PTTG1IP: variants seen among roughly 807,000 people sequenced by gnomAD.
PTTG1IP encodes pituitary tumor-transforming gene 1 protein-interacting protein.
PTTG1IP carries 16 observed loss-of-function variants against 24.4 expected under a neutral mutation model. That is an observed-to-expected ratio of 0.66 (90% CI 0.44 to 1.00). The LOEUF (loss-of-function observed/expected upper bound fraction) is 1.00. PTTG1IP is among the 50% of genes least tolerant of loss of function. The pLI is 0.00. For synonymous variants in PTTG1IP, 89 were observed against 96.8 expected (o/e 0.92, Z 0.47); for missense variants, 241 against 245.8 (o/e 0.98, Z 0.13).
chr21:44,859,961 C>CA (rs2083477880), intron 3 of PTTG1IP, among the ~76,000 whole-genome samples: 1 of 152,174 alleles, frequency 6.6e-6, no homozygotes, highest in Admixed American at 6.5e-5. Flanking sequence ...TGCTTCTTTA[C>CA]AAAGTTTAGG....
At chr21:44,864,446 G>C (rs1275997404) in intron 2 of PTTG1IP, among the ~76,000 whole-genome samples, 1 of 152,216 alleles carries the variant, frequency 6.6e-6, no homozygotes, top group South Asian at 2.1e-4. Context: ...GCCCAGGCTA[G>C]AGTGCAGTGG....
Position 44,868,529 on chromosome 21 carries a change from G to A in PTTG1IP, c.116-3082C>T, listed in dbSNP as rs575464458. 2.0e-3 allele frequency among the ~76,000 whole-genome samples: 299 copies of A among 152,282 alleles called. 2 individuals carry two copies. The highest frequency in any genetic ancestry group is 6.8e-3 in the African/African-American group (281 of 41,530). ...GAGCCACAGACAGTGTGCAGTGCCC[G>A]AGAGTGGCACAGACATGAACGAATG... On this transcript the variant is annotated intron_variant, in intron 1 of 5. Coordinates refer to ENST00000330938, the MANE Select transcript of PTTG1IP (RefSeq NM_004339.4).
intron 3 of PTTG1IP, among the ~76,000 whole-genome samples, chr21:44,858,153 T>A (rs1346785133): frequency 6.6e-6 from 1 of 152,244 alleles, no homozygotes; most frequent in Non-Finnish European, 1.5e-5. Flanking sequence ...AAGAGAGGCA[T>A]CTTTGCCTCT....
chr21:44,866,805 T>C (rs1397344020), intron 1 of PTTG1IP, among the ~76,000 whole-genome samples: 1 of 152,052 alleles, frequency 6.6e-6, no homozygotes. Flanking sequence ...CCTACCAGAA[T>C]GGCTAAAATT....
Position 44,866,480 on chromosome 21 carries a change from ACACACACACACG to A in PTTG1IP, c.116-1045_116-1034del, listed in dbSNP as rs1404494726. Among the ~76,000 whole-genome samples the A allele has an allele frequency of 1.6e-3, 188 of 120,584 alleles. 1 individual carries two copies. Among genetic ancestry groups the A allele is most frequent in the African/African-American group, 2.1e-3 (63 of 29,724 alleles). The allele number at this position is 120,584 out of a possible 152,430, so 79.1% of individuals were successfully genotyped here. ...ACTCCCCCAATCCCATAACACACAC[ACACACACACACG>A]CAGACTGCCTACTCCCCCAATCCCG... On this transcript the variant is annotated intron_variant, in intron 1 of 5. Coordinates refer to ENST00000330938, the MANE Select transcript of PTTG1IP (RefSeq NM_004339.4).
chr21:44,855,195 G>A lies in PTTG1IP; in HGVS notation c.496+15C>T, dbSNP rs760785426. On this transcript the variant is annotated intron_variant, in intron 5 of 5. Coordinates refer to ENST00000330938, the MANE Select transcript of PTTG1IP (RefSeq NM_004339.4). The stretch of plus-strand genomic sequence containing the variant: ...CCTCCCAACCAGACAAAAAGGAGGC[G>A]TGACCAGTCCTTACCATATTTTTTT... The A allele has an allele frequency of 1.1e-5, 18 of 1,604,304 alleles. No homozygotes were observed. Among genetic ancestry groups the A allele is most frequent in the Middle Eastern group, 3.3e-4 (2 of 6,068 alleles).
At chr21:44,866,555 A>C (rs1218709513) in intron 1 of PTTG1IP, among the ~76,000 whole-genome samples, 1 of 117,676 alleles carries the variant, frequency 8.5e-6, no homozygotes, top group African/African-American at 3.3e-5. Context: ...CCAATCCCGT[A>C]ACACACACAC....
At chr21:44,870,800 G>A (rs891537173) in intron 1 of PTTG1IP, among the ~76,000 whole-genome samples, 4 of 152,130 alleles carry the variant, frequency 2.6e-5, no homozygotes, top group South Asian at 2.1e-4. Flanking sequence ...ATTTGTTTCC[G>A]AAATTAAAGG....
intron 1 of PTTG1IP, among the ~76,000 whole-genome samples, chr21:44,866,570 T>G (rs1444550571): frequency 1.1e-5 from 1 of 90,922 alleles, no homozygotes; most frequent in Non-Finnish European, 2.1e-5. Flanking sequence ...ACACACAGAC[T>G]GCCTACTCCC....
intron 3 of PTTG1IP, among the ~76,000 whole-genome samples, chr21:44,860,432 C>A (rs902955188): frequency 6.0e-5 from 9 of 149,360 alleles, no homozygotes; most frequent in African/African-American, 2.0e-4. Flanking sequence ...TTAAAAACGC[C>A]TCCAAAATCA....
At position 44,873,675 on chromosome 21, in the gene PTTG1IP, G is replaced by T. The variant is rs551221197; in HGVS notation, c.-59C>A. On this transcript the variant is annotated 5_prime_UTR_variant, in exon 1 of 6. Transcript: ENST00000330938. ...TTACAACTCCGACTCCAGCACAAGC[G>T]GTCTCCGCCCGGAACAGCCGCGGCG... 1.5e-6 allele frequency: 2 copies of T among 1,302,166 alleles called. No homozygotes were observed. Among genetic ancestry groups the T allele is most frequent in the South Asian group, 2.1e-5 (1 of 47,918 alleles). 80.7% of individuals were successfully genotyped at this position (1,302,166 alleles called of 1,614,324 possible). A position where few individuals can be genotyped will look rare whatever the true frequency, so the allele number is the denominator to read the frequency against.
chr21:44,859,465 A>G (rs533023175), intron 3 of PTTG1IP, among the ~76,000 whole-genome samples: 36 of 150,556 alleles, frequency 2.4e-4, no homozygotes, highest in Middle Eastern at 3.4e-3. Context: ...TAGGCTATAA[A>G]CTGCGGTCCA....
intron 2 of PTTG1IP, among the ~76,000 whole-genome samples, chr21:44,864,916 G>C (rs1243573296): frequency 6.6e-6 from 1 of 152,198 alleles, no homozygotes. Flanking sequence ...CTGAGCCCCA[G>C]GTCACGACCA....
chr21:44,862,981 G>A (rs148194234), intron 2 of PTTG1IP, among the ~76,000 whole-genome samples: 219 of 152,182 alleles, frequency 1.4e-3, no homozygotes, highest in Non-Finnish European at 2.3e-3. Flanking sequence ...GGGAGGATAC[G>A]GTGTTCTCTG....
At chr21:44,869,019 C>G (rs932856708) in intron 1 of PTTG1IP, among the ~76,000 whole-genome samples, 1 of 152,222 alleles carries the variant, frequency 6.6e-6, no homozygotes, top group African/African-American at 2.4e-5. Flanking sequence ...ACGGAGGATA[C>G]TGAGAGGACA....
chr21:44,870,548 A>AT (rs1569328096), intron 1 of PTTG1IP, among the ~76,000 whole-genome samples: 1 of 150,496 alleles, frequency 6.6e-6, no homozygotes, highest in African/African-American at 2.4e-5. Context: ...AAAAAAAAAA[A>AT]GAAAGGCATG....
intron 5 of PTTG1IP, among the ~76,000 whole-genome samples, chr21:44,853,282 C>A (rs13052639): frequency 0.075 from 11,395 of 152,132 alleles, 434 homozygotes; most frequent in Non-Finnish European, 0.088. Context: ...CCGAGGCGGG[C>A]GGATCACGAG....
In PTTG1IP at chr21:44,851,468, C is replaced by T; in HGVS notation, c.*113G>A. ...CCGGCCGCCTGTCCTGGAAGGCTGG[C>T]AGGTTCACTGGCCAAGGTCAGGAGA... On this transcript the variant is annotated 3_prime_UTR_variant, in exon 6 of 6. Coordinates refer to ENST00000330938, the MANE Select transcript of PTTG1IP (RefSeq NM_004339.4). 6.2e-7 allele frequency: 1 copy of T among 1,611,454 alleles called. No homozygotes were observed.
At position 44,863,314 on chromosome 21, in the gene PTTG1IP, A is replaced by G. The variant is rs1488788549; in HGVS notation, c.169-2043T>C. 1.6e-5 allele frequency among the ~76,000 whole-genome samples: 2 copies of G among 126,208 alleles called. 1 individual carries two copies. Among genetic ancestry groups the G allele is most frequent in the African/African-American group, 7.0e-5 (2 of 28,406 alleles). 82.8% of individuals were successfully genotyped at this position (126,208 alleles called of 152,430 possible). On this transcript the variant is annotated intron_variant, in intron 2 of 5. Transcript: ENST00000330938. ...CCGCCACGGCCTCAGGAGCGTGGACACAGCCCACCATAGCCACTGCTCCAA... is the reference window on the plus strand; with the variant it reads ...CCGCCACGGCCTCAGGAGCGTGGACGCAGCCCACCATAGCCACTGCTCCAA...
Sources: gnomAD v4.1 joint callset for allele counts (sites outside exome capture counted in the v4.1 genomes callset) on GRCh38, gnomAD v4.1.1 for gene constraint, MANE v1.5 for transcripts, NCBI Gene and HGNC (gene_info 2026-07-23, HGNC 2026-07-21) for gene names.